Variants in TMC3 observed in about 807,000 individuals in gnomAD.
The protein encoded by TMC3 is transmembrane channel-like protein 3.
Under a neutral mutation model 110.6 loss-of-function variants are expected in TMC3, and 98 were observed. The ratio of observed to expected loss-of-function variants is 0.89; its 90% CI spans 0.75 to 1.05. The LOEUF is 1.05. Ranked by LOEUF, TMC3 falls within the 50% of genes least tolerant of loss-of-function variation. The probability of loss-of-function intolerance (pLI) is 0.00; values close to 1 mark genes in which losing one functional copy is unlikely to be tolerated. For synonymous variants in TMC3, 489 were observed against 513.1 expected (o/e 0.95, Z 0.63); for missense variants, 1,319 against 1,373.2 (o/e 0.96, Z 0.62).
At chr15:81,368,185 G>T (rs2141426011) in intron 3 of TMC3, 68 bp downstream of exon 3, 2 of 1,133,428 alleles carry the variant, frequency 1.8e-6, no homozygotes, top group African/African-American at 1.5e-5. Context: ...CACCTCCCTT[G>T]GCCTCCCAAA....
At chr15:81,341,250 AC>A in intron 16 of TMC3, 139 bp downstream of exon 16, 1 of 819,168 alleles carries the variant, frequency 1.2e-6, no homozygotes, top group Non-Finnish European at 1.8e-6. Context: ...CTTGGAGGAG[AC>A]AAAATTGGAG....
At position 81,358,481 on chromosome 15, in the gene TMC3, A is replaced by G; in HGVS notation, c.521T>C (p.Phe174Ser). 1.2e-6 allele frequency: 2 copies of G among 1,612,626 alleles called. No homozygotes were observed. Among genetic ancestry groups the G allele is most frequent in the Non-Finnish European group, 8.5e-7 (1 of 1,179,216 alleles). The part of the protein sequence containing the change: ...VIPELIAGQP[F>S]GSTARKTIPK... ...GATGGTCTTCCTGGCTGTGCTTCCA[A>G]AGGGCTGGCCTGCAATCAGCTGGTG... Residue 174 changes from phenylalanine to serine, a missense_variant, in exon 6 of 22, where the codon TTT becomes TCT. Transcript: ENST00000359440.
At chr15:81,351,106 A>G (rs1363713536) in intron 10 of TMC3, among the ~76,000 whole-genome samples, 1 of 152,240 alleles carries the variant, frequency 6.6e-6, no homozygotes, top group East Asian at 1.9e-4. Flanking sequence ...GCAAAAGGCA[A>G]AACACAGTCG....
At chr15:81,364,714 TA>T (rs983387408) in intron 3 of TMC3, among the ~76,000 whole-genome samples, 20 of 118,886 alleles carry the variant, frequency 1.7e-4, no homozygotes, top group Non-Finnish European at 3.1e-4. Context: ...AAAAAAAAAA[TA>T]AAAAATAAAA....
intron 3 of TMC3, among the ~76,000 whole-genome samples, chr15:81,365,610 G>A (rs1292136311): frequency 6.8e-6 from 1 of 147,996 alleles, no homozygotes; most frequent in African/African-American, 2.5e-5. Context: ...GGCAGAGGTT[G>A]CAGTGAGCCG....
intron 12 of TMC3, 139 bp from the exon 13 acceptor site, chr15:81,345,150 T>C: frequency 7.1e-7 from 1 of 1,411,194 alleles, no homozygotes; most frequent in Non-Finnish European, 9.3e-7. Context: ...CCTCTTTCTC[T>C]TTCTAGACCA....
At chr15:81,335,800 G>C (rs576123102) in intron 20 of TMC3, 1 of 152,312 alleles carries the variant, frequency 6.6e-6, no homozygotes, top group South Asian at 2.1e-4. Flanking sequence ...CATCTCCTTC[G>C]AGCTGCCGTT....
At chr15:81,335,076 G>T in intron 20 of TMC3, 101 bp from the exon 21 acceptor site, 3 of 1,344,034 alleles carry the variant, frequency 2.2e-6, no homozygotes, top group Non-Finnish European at 2.0e-6. Flanking sequence ...CCAAGAGTTG[G>T]TCCGCAAACA....
At chr15:81,366,128 C>T (rs771097193) in intron 3 of TMC3, among the ~76,000 whole-genome samples, 3 of 152,102 alleles carry the variant, frequency 2.0e-5, no homozygotes, top group Non-Finnish European at 4.4e-5. Flanking sequence ...ATAGTGAACA[C>T]GACATGCAAG....
rs144978535 is a variant in TMC3 at position 81,342,866 on chromosome 15, C to T, written c.1715+412G>A. ...CTAGGGGATGGCTGTACTCCTGGGC[C>T]CAGTGTCTAAGTGAAAATTAGGAGG... On this transcript the variant is annotated intron_variant, in intron 15 of 21. Transcript: ENST00000359440. 8.3e-3 allele frequency: 1,336 copies of T among 160,454 alleles called. 9 individuals are homozygous for T. The highest frequency in any genetic ancestry group is 0.013 in the Non-Finnish European group (921 of 73,268). 9.9% of individuals were successfully genotyped at this position (160,454 alleles called of 1,614,324 possible). A position where few individuals can be genotyped will look rare whatever the true frequency, so the allele number is the denominator to read the frequency against.
At chr15:81,356,336 A>G in intron 8 of TMC3, 111 bp downstream of exon 8, 2 of 1,236,714 alleles carry the variant, frequency 1.6e-6, no homozygotes, top group East Asian at 5.4e-5. Flanking sequence ...ACTGCCCTGG[A>G]CAATGAACAT....
intron 1 of TMC3, 33 bp downstream of exon 1, chr15:81,373,953 ACTC>A (rs760622213): frequency 6.3e-7 from 1 of 1,595,868 alleles, no homozygotes; most frequent in Non-Finnish European, 8.6e-7. Flanking sequence ...CACACACCTG[ACTC>A]CTCTGCCCAG....
At chr15:81,368,804 A>G (rs545384411) in intron 2 of TMC3, among the ~76,000 whole-genome samples, 2 of 152,330 alleles carry the variant, frequency 1.3e-5, no homozygotes, top group South Asian at 2.1e-4. Flanking sequence ...TCATGTCTAC[A>G]TAGACATGAA....
In TMC3 at chr15:81,360,995, G is replaced by A. The variant is rs555032942; in HGVS notation, c.394+1225C>T. 3.4e-5 allele frequency among the ~76,000 whole-genome samples: 5 copies of A among 146,132 alleles called. No homozygotes were observed. The East Asian group carries it at 5.9e-4, about 17-fold the overall frequency. ...CTCTTTTTTTTTTTTTTTTGGAAAC[G>A]GAAGCATATTACCAAGGTATACAAC... On this transcript the variant is annotated intron_variant, in intron 4 of 21. Transcript: ENST00000359440.
At chr15:81,338,820 T>G (rs750457070) in intron 17 of TMC3, 40 bp from the exon 18 acceptor site, 7 of 1,607,758 alleles carry the variant, frequency 4.4e-6, no homozygotes, top group Non-Finnish European at 5.9e-6. Flanking sequence ...TTTATTGCTC[T>G]TGGCAGAAAG....
rs749686836 is a variant in TMC3 at position 81,358,457 on chromosome 15, A to T, written c.545T>A (p.Ile182Asn). 47 of 1,613,642 alleles carry T rather than the reference A, an allele frequency of 2.9e-5. 5 individuals carry two copies. In the South Asian group the frequency reaches 5.1e-4, roughly 17 times the overall value. ...GGCAGACGAAACCTGCTCCTTGGGG[A>T]TGGTCTTCCTGGCTGTGCTTCCAAA... ...QPFGSTARKT[I>N]PKEQVSSAQD... is the part of the protein sequence containing the mutation. The change falls in exon 6 of 22, where the codon ATC becomes AAC. Residue 182 changes from isoleucine to asparagine, a missense_variant. Transcript: ENST00000359440.
chr15:81,349,719 A>C (rs1168042784), intron 10 of TMC3, 152 bp from the exon 11 acceptor site: 4 of 417,236 alleles, frequency 9.6e-6, no homozygotes, highest in African/African-American at 2.1e-5. Context: ...ATCTCTGCTA[A>C]TTAACTTTTT....
chr15:81,364,067 T>C (rs1894250814), intron 3 of TMC3, among the ~76,000 whole-genome samples: 1 of 152,182 alleles, frequency 6.6e-6, no homozygotes, highest in South Asian at 2.1e-4. Flanking sequence ...ATTTGATTAG[T>C]GGCATTCAGA....
In TMC3 at chr15:81,336,595, A is replaced by G; in HGVS notation, c.2203+14T>C. 6.2e-7 allele frequency: 1 copy of G among 1,613,360 alleles called. No individual in the cohort carries two copies. Among genetic ancestry groups the G allele is most frequent in the Non-Finnish European group, 8.5e-7 (1 of 1,179,648 alleles). On this transcript the variant is annotated intron_variant, in intron 20 of 21. Coordinates refer to ENST00000359440, the MANE Select transcript of TMC3 (RefSeq NM_001080532.3). ...AACAAAAAAACAACAACAAAAAGAA[A>G]CGGAAATACTTACCTTCTACCATCT...
Sources: allele counts gnomAD v4.1 joint callset (sites outside exome capture counted in the v4.1 genomes callset), GRCh38; gene constraint gnomAD v4.1.1; transcripts MANE v1.5; gene names NCBI Gene and HGNC (gene_info 2026-07-23, HGNC 2026-07-21).